Variants in HELZ2 observed in about 807,000 individuals in gnomAD.
The protein encoded by HELZ2 is helicase with zinc finger 2, also known as 3'-5' exoribonuclease HELZ2.
In HELZ2, 143 loss-of-function variants were observed where a neutral mutation model predicts 208.8. That is an observed-to-expected ratio of 0.68 (90% CI 0.60 to 0.79). The LOEUF is 0.79. Ranked by LOEUF, HELZ2 falls within the 30% of genes least tolerant of loss-of-function variation. HELZ2 has a pLI of 0.00. For missense variants in HELZ2, 3,690 were observed against 3,794.5 expected (o/e 0.97, Z 0.72); for synonymous variants, 1,705 against 1,693.7 (o/e 1.01, Z -0.16).
chr20:63,561,438 G>A lies in HELZ2; in HGVS notation c.6865C>T (p.Gln2289Ter), dbSNP rs939668031. ...TCCGACGAGTAAGGGTTGGGGGCCT[G>A]CCGGATCCGGTGGTGCAGGGTGATG... is the stretch of plus-strand genomic sequence containing the variant. Residue 2289 changes from glutamine (Q) to a stop codon, truncating the protein, a stop_gained, in exon 13 of 19, where the codon CAG (glutamine) becomes TAG (stop). Coordinates refer to ENST00000467148, the Ensembl canonical transcript of HELZ2. LOFTEE classifies it high-confidence loss of function. 1.2e-6 allele frequency: 2 copies of A among 1,611,468 alleles called. No individual in the cohort carries two copies. Among genetic ancestry groups the A allele is most frequent in the Admixed American group, 3.3e-5 (2 of 59,842 alleles).
At chr20:63,562,590 C>T in exon 8 of HELZ2, 4 of 1,599,768 alleles carry the variant, frequency 2.5e-6, no homozygotes, top group Non-Finnish European at 3.4e-6. Flanking sequence ...TCTTCCGGAA[C>T]CTTCTCCATG....
exon 8 of HELZ2, chr20:63,563,917 G>A: frequency 1.3e-6 from 2 of 1,592,574 alleles, no homozygotes; most frequent in Middle Eastern, 1.7e-4. Flanking sequence ...GGAGGTCGCG[G>A]CCTGCAGGAG....
At chr20:63,572,085 G>C (rs199715964) in intron 1 of HELZ2, 23 bp downstream of exon 2, 1 of 1,587,194 alleles carries the variant, frequency 6.3e-7, no homozygotes, top group African/African-American at 1.3e-5. Flanking sequence ...CCTACTCCAA[G>C]CTCCTGCCTC....
In HELZ2 at chr20:63,560,271, G is replaced by A. The variant is rs149597259; in HGVS notation, c.7557C>T (p.Ala2519=). ...CCTGCGCGTTGTAGGGCGTGAGGAC[G>A]GCGATGTCCTGGGGCTCTACGGTCC... Residue 2519 remains alanine (A), a synonymous_variant, in exon 17 of 19, where the codon GCC becomes GCT. Coordinates refer to ENST00000467148, the Ensembl canonical transcript of HELZ2. 8.0e-5 allele frequency: 125 copies of A among 1,564,026 alleles called. 1 individual carries two copies. Among genetic ancestry groups the A allele is most frequent in the Middle Eastern group, 1.8e-4 (1 of 5,472 alleles).
In HELZ2 at chr20:63,567,725, C is replaced by T; in HGVS notation, c.1731-98G>A. 1.0e-5 allele frequency: 15 copies of T among 1,483,804 alleles called. No homozygotes were observed. In the South Asian group the frequency reaches 2.0e-4, roughly 20 times the overall value. 91.9% of individuals were successfully genotyped at this position (1,483,804 alleles called of 1,614,324 possible). On this transcript the variant is annotated intron_variant, in intron 5 of 18. Transcript: ENST00000467148. Reference sequence around the variant, plus strand: ...TGCCCAGCCGAGCTGCCCCTGAGCACAGCCCTTGTCTGGCTGTCAGAGGTG... The same window carrying T: ...TGCCCAGCCGAGCTGCCCCTGAGCATAGCCCTTGTCTGGCTGTCAGAGGTG...
exon 8 of HELZ2, chr20:63,563,839 G>A (rs2082916975): frequency 3.8e-6 from 6 of 1,596,750 alleles, no homozygotes; most frequent in Non-Finnish European, 5.1e-6. Context: ...CCTGCAGCGA[G>A]TAGTGGCCGC....
At chr20:63,565,847 A>G (rs754887101) in exon 8 of HELZ2, 1 of 1,598,496 alleles carries the variant, frequency 6.3e-7, no homozygotes. Context: ...CATGGCCGTC[A>G]CCACAGCCGC....
chr20:63,566,229 G>A (rs769579599), exon 8 of HELZ2: 62 of 1,484,596 alleles, frequency 4.2e-5, no homozygotes, highest in South Asian at 1.2e-4. Flanking sequence ...CGGAACTGCC[G>A]CCCTGCAGGG....
chr20:63,562,860 G>T lies in HELZ2; in HGVS notation c.5962C>A (p.Arg1988Ser), dbSNP rs200554251. ...TCCTCGAGGAAGGCGGCCTCCAGGC[G>T]GAAGGCGCCCTGCAGCTGCCCCTGC... The change falls in exon 8 of 19, where the codon CGC (arginine) becomes AGC (serine). Residue 1988 changes from arginine (R) to serine (S), a missense_variant. By Grantham distance (110) the Arg-to-Ser change is moderately radical (BLOSUM62 -1). Around this residue, in one of 3 missense-constraint regions of HELZ2, gnomAD observed 2,564 missense variants for 2,580.5 expected, o/e 0.99. Coordinates refer to ENST00000467148, the Ensembl canonical transcript of HELZ2. 88 of 1,607,782 alleles carry T rather than the reference G, an allele frequency of 5.5e-5. No homozygotes were observed. The East Asian group carries it at 1.9e-3, about 35-fold the overall frequency.
intron 5 of HELZ2, 149 bp downstream of exon 6, chr20:63,568,209 T>A: frequency 1.5e-6 from 1 of 677,896 alleles, no homozygotes; most frequent in East Asian, 2.7e-5. Context: ...TGCCCTGAGC[T>A]GGGCCTGATA....
exon 11 of HELZ2, chr20:63,561,909 C>T (rs1400612934): frequency 7.6e-6 from 12 of 1,586,682 alleles, no homozygotes; most frequent in Non-Finnish European, 1.0e-5. Context: ...GGGGGGGCCT[C>T]CGGGCTGCAC....
chr20:63,560,050 G>T, exon 18 of HELZ2: 5 of 1,610,272 alleles, frequency 3.1e-6, no homozygotes, highest in Non-Finnish European at 4.2e-6. Context: ...GTCGCTCTTG[G>T]CACAGGTGCG....
exon 8 of HELZ2, chr20:63,564,094 C>A (rs1285493749): frequency 3.7e-6 from 6 of 1,608,940 alleles, no homozygotes; most frequent in Non-Finnish European, 5.1e-6. Context: ...GGTGCAGTGA[C>A]AGGGGCACCC....
In HELZ2 at chr20:63,563,198, C is replaced by T. The variant is rs757938122; in HGVS notation, c.5624G>A (p.Arg1875Gln). ...CAGGGTGTCCCCACTGCCCAGCTCC[C>T]GGGCCACCTCCAGGAAATGGCCACA... Residue 1875 changes from arginine to glutamine, a missense_variant, in exon 8 of 19, where the codon CGG (arginine) becomes CAG (glutamine). Around this residue, in one of 3 missense-constraint regions of HELZ2, gnomAD observed 2,564 missense variants for 2,580.5 expected, o/e 0.99. Transcript: ENST00000467148. 26 of 1,585,328 alleles carry T rather than the reference C, an allele frequency of 1.6e-5. 1 individual carries two copies. The highest frequency in any genetic ancestry group is 1.1e-4 in the East Asian group (5 of 44,052).
At chr20:63,572,394 C>T (rs527610940) in exon 1 of HELZ2, 39 of 1,507,172 alleles carry the variant, frequency 2.6e-5, no homozygotes, top group African/African-American at 2.5e-4. Flanking sequence ...ATCTCCACGG[C>T]GCTGTGTGCA....
Position 63,571,942 on chromosome 20 carries a change from G to C in HELZ2, c.278+166C>G, listed in dbSNP as rs75418499. 120 of 406,416 alleles carry C rather than the reference G, an allele frequency of 3.0e-4. 3 individuals are homozygous for C. Among genetic ancestry groups the C allele is most frequent in the East Asian group, 1.2e-3 (18 of 15,536 alleles). 25.2% of individuals were successfully genotyped at this position (406,416 alleles called of 1,614,324 possible). A position where few individuals can be genotyped will look rare whatever the true frequency, so the allele number is the denominator to read the frequency against. ...CCTGCGCTACTCCAAGCTCCTGGGA[G>C]CCTCTGGCTCTGCCTACGGTGGGCT... On this transcript the variant is annotated intron_variant, in intron 1 of 18. Coordinates refer to ENST00000467148, the Ensembl canonical transcript of HELZ2.
At chr20:63,568,493 C>G (rs1387461237) in exon 5 of HELZ2, 1 of 1,586,764 alleles carries the variant, frequency 6.3e-7, no homozygotes, top group Non-Finnish European at 8.6e-7. Context: ...CCTCCCATCC[C>G]CAGGGCCCCA....
chr20:63,560,131 G>GGCCCCCCAA, intron 17 of HELZ2, 36 bp from the exon 19 acceptor site: 1 of 1,531,094 alleles, frequency 6.5e-7, no homozygotes, highest in East Asian at 2.4e-5. Flanking sequence ...CTGCCGCTGC[G>GGCCCCCCAA]CCCACCCTCC....
intron 18 of HELZ2, among the ~76,000 whole-genome samples, 153 bp from the exon 20 acceptor site, chr20:63,559,523 T>C (rs1352991792): frequency 2.3e-5 from 1 of 42,814 alleles, no homozygotes; most frequent in Non-Finnish European, 4.7e-5. Context: ...TGGGAGTCAG[T>C]CAGAGTCAGG....
Sources: allele counts gnomAD v4.1 joint callset (sites outside exome capture counted in the v4.1 genomes callset), GRCh38; gene constraint gnomAD v4.1.1; regional missense constraint gnomAD v4.1.1; transcripts MANE v1.5; gene names NCBI Gene and HGNC (gene_info 2026-07-23, HGNC 2026-07-21).